Variants in FILIP1 observed in about 807,000 individuals in gnomAD.
The protein encoded by FILIP1 is filamin-A-interacting protein 1.
Under a neutral mutation model 102.1 loss-of-function variants are expected in FILIP1, and 61 were observed. That is an observed-to-expected ratio of 0.60 (90% CI 0.49 to 0.74). FILIP1 has a LOEUF of 0.74. FILIP1 is among the 30% of genes least tolerant of loss of function. FILIP1 has a pLI of 0.00. For synonymous variants in FILIP1, 491 were observed against 526.9 expected (o/e 0.93, Z 0.93); for missense variants, 1,314 against 1,441.2 (o/e 0.91, Z 1.43).
At chr6:75,339,570 T>C (rs753455365) in intron 4 of FILIP1, among the ~76,000 whole-genome samples, 1 of 152,250 alleles carries the variant, frequency 6.6e-6, no homozygotes, top group Non-Finnish European at 1.5e-5. Context: ...ATTTGTTTTA[T>C]GCAGCTGTTG....
intron 2 of FILIP1, among the ~76,000 whole-genome samples, chr6:75,412,757 A>G (rs1777122607): frequency 6.6e-6 from 1 of 152,204 alleles, no homozygotes. Flanking sequence ...ATGTTTATAT[A>G]TATGGACTTG....
At chr6:75,324,836 GA>G (rs1353272283) in intron 4 of FILIP1, among the ~76,000 whole-genome samples, 1 of 152,162 alleles carries the variant, frequency 6.6e-6, no homozygotes, top group Non-Finnish European at 1.5e-5. Context: ...ATAAAGTGGG[GA>G]AAGTATACCC....
intron 4 of FILIP1, among the ~76,000 whole-genome samples, chr6:75,317,278 C>T (rs1320948740): frequency 2.0e-5 from 3 of 152,124 alleles, no homozygotes; most frequent in African/African-American, 7.2e-5. Context: ...AAAATCAGAC[C>T]TTGGTGATGA....
At chr6:75,360,008 T>G (rs1044690576) in intron 3 of FILIP1, among the ~76,000 whole-genome samples, 1 of 152,212 alleles carries the variant, frequency 6.6e-6, no homozygotes, top group Non-Finnish European at 1.5e-5. Flanking sequence ...CAGGAATGTT[T>G]TGAACGCCAC....
intron 2 of FILIP1, among the ~76,000 whole-genome samples, chr6:75,374,082 G>A (rs1017608186): frequency 1.3e-5 from 2 of 152,180 alleles, no homozygotes; most frequent in African/African-American, 4.8e-5. Flanking sequence ...GAATGTCACT[G>A]TCATCCACGG....
intron 2 of FILIP1, among the ~76,000 whole-genome samples, chr6:75,410,287 A>G (rs1446533356): frequency 6.6e-6 from 1 of 152,146 alleles, no homozygotes; most frequent in Non-Finnish European, 1.5e-5. Flanking sequence ...AACTTATCTC[A>G]TAAGGCATAG....
intron 4 of FILIP1, 114 bp from the exon 5 acceptor site, chr6:75,315,316 A>G (rs1773406374): frequency 6.2e-6 from 4 of 650,010 alleles, no homozygotes; most frequent in Non-Finnish European, 9.7e-6. Context: ...CAATTGCTAT[A>G]ATTTCAATGT....
chr6:75,372,602 GAAAAGAAAGAAAGAAAGA>G (rs1157116034), intron 2 of FILIP1, among the ~76,000 whole-genome samples: 84 of 76,740 alleles, frequency 1.1e-3, no homozygotes, highest in Middle Eastern at 6.2e-3. Flanking sequence ...TGGCTATCAA[GAAAAGAAAGAAAGAAAGA>G]AAAAGAAAGA....
At chr6:75,340,375 T>C (rs1774379839) in intron 4 of FILIP1, among the ~76,000 whole-genome samples, 1 of 152,158 alleles carries the variant, frequency 6.6e-6, no homozygotes, top group Non-Finnish European at 1.5e-5. Flanking sequence ...ATACTCTCAC[T>C]AAAATACAAT....
At chr6:75,437,420 T>A (rs544072873) in intron 1 of FILIP1, among the ~76,000 whole-genome samples, 2 of 152,348 alleles carry the variant, frequency 1.3e-5, no homozygotes, top group Admixed American at 1.3e-4. Context: ...GAAATAAAGC[T>A]TAGTTCATAA....
At chr6:75,319,137 G>C (rs1773550757) in intron 4 of FILIP1, 5 of 722,396 alleles carry the variant, frequency 6.9e-6, no homozygotes, top group Admixed American at 4.0e-5. Context: ...TTTCAGACTT[G>C]ACAATTCCCT....
At chr6:75,430,148 G>A (rs1777778570) in intron 1 of FILIP1, among the ~76,000 whole-genome samples, 1 of 152,170 alleles carries the variant, frequency 6.6e-6, no homozygotes, top group African/African-American at 2.4e-5. Context: ...TTTTATAAGG[G>A]GCTCTTCCCC....
chr6:75,400,545 G>T (rs1388343544), intron 2 of FILIP1, among the ~76,000 whole-genome samples: 1 of 152,142 alleles, frequency 6.6e-6, no homozygotes, highest in African/African-American at 2.4e-5. Context: ...GTCAGGAGAA[G>T]GTTAGAAAAA....
chr6:75,309,935 C>T (rs1468694711), intron 5 of FILIP1, among the ~76,000 whole-genome samples: 2 of 152,322 alleles, frequency 1.3e-5, no homozygotes, highest in East Asian at 3.9e-4. Flanking sequence ...TTTCCACACA[C>T]ATGTTTCTAA....
intron 2 of FILIP1, among the ~76,000 whole-genome samples, chr6:75,366,767 T>C (rs1167319893): frequency 6.6e-6 from 1 of 152,186 alleles, no homozygotes; most frequent in East Asian, 1.9e-4. Context: ...TAACCAAATA[T>C]AACGTGTAAA....
At chr6:75,369,881 G>A (rs1429026363) in intron 2 of FILIP1, among the ~76,000 whole-genome samples, 1 of 152,224 alleles carries the variant, frequency 6.6e-6, no homozygotes, top group East Asian at 1.9e-4. Flanking sequence ...CTTAGACGAT[G>A]TAACCATGAC....
At chr6:75,465,670 A>C (rs955025008) in intron 1 of FILIP1, 2 of 244,494 alleles carry the variant, frequency 8.2e-6, no homozygotes, top group African/African-American at 4.5e-5. Flanking sequence ...TAGACTTCAA[A>C]GTACTGGAAA....
chr6:75,365,662 C>T (rs1232977998), intron 2 of FILIP1, among the ~76,000 whole-genome samples: 2 of 152,040 alleles, frequency 1.3e-5, no homozygotes, highest in Non-Finnish European at 1.5e-5. Context: ...GCTGGGATTA[C>T]AGGCGTGAGC....
chr6:75,360,805 G>A (rs1775150796), intron 3 of FILIP1: 1 of 152,152 alleles, frequency 6.6e-6, no homozygotes, highest in Non-Finnish European at 1.5e-5. Context: ...GTATAACATT[G>A]CTTCTAGGAA....
Sources: allele counts gnomAD v4.1 joint callset (sites outside exome capture counted in the v4.1 genomes callset), GRCh38; gene constraint gnomAD v4.1.1; transcripts MANE v1.5; gene names NCBI Gene and HGNC (gene_info 2026-07-23, HGNC 2026-07-21).